PCDHGA11: variants seen among roughly 807,000 people sequenced by gnomAD.
PCDHGA11 encodes the protein protocadherin gamma-A11.
PCDHGA11 carries 39 observed loss-of-function variants against 60.4 expected under a neutral mutation model. That is an observed-to-expected ratio of 0.65 (90% CI 0.50 to 0.84). The LOEUF (loss-of-function observed/expected upper bound fraction) is 0.84, where lower values mean the gene tolerates loss of function less well. PCDHGA11 is among the 40% of genes least tolerant of loss of function. PCDHGA11 has a pLI of 0.00. For missense variants in PCDHGA11, 1,165 were observed against 1,197.7 expected, an observed-to-expected ratio of 0.97 and a Z score of 0.40; for synonymous variants, 533 against 510.3, an observed-to-expected ratio of 1.04 and a Z score of -0.60.
At position 141,487,235 on chromosome 5, in the gene PCDHGA11, C is replaced by A. The variant is rs752316565; in HGVS notation, c.2434-7572C>A. ...TTCAGCTCCAAGGGAAGGAGAATCT[C>A]GTCTAACCCTCTACTTGGCTGTGTC... On this transcript the variant is annotated intron_variant, in intron 1 of 3. Coordinates refer to ENST00000398587, the MANE Select transcript of PCDHGA11 (RefSeq NM_018914.3). This position sits in a 1 kb window ranked among gnomAD's most constrained non-coding sequence, Gnocchi z 5.0. 11 of 1,614,126 alleles carry A rather than the reference C, an allele frequency of 6.8e-6. No homozygotes were observed. The highest frequency in any genetic ancestry group is 7.6e-6 in the Non-Finnish European group (9 of 1,179,994).
chr5:141,482,645 G>A (rs1267966412), intron 1 of PCDHGA11, among the ~76,000 whole-genome samples: 1 of 152,120 alleles, frequency 6.6e-6, no homozygotes, highest in Admixed American at 6.5e-5. Context: ...TAGAGGTGGT[G>A]ATGCTTGAGC....
chr5:141,438,054 T>C (rs1451843979), intron 1 of PCDHGA11, among the ~76,000 whole-genome samples: 2 of 152,182 alleles, frequency 1.3e-5, no homozygotes, highest in African/African-American at 4.8e-5. Flanking sequence ...TTGAGTTCAC[T>C]TTTAAGAAAC....
chr5:141,509,442 T>C (rs1473514859), intron 3 of PCDHGA11, among the ~76,000 whole-genome samples: 3 of 152,008 alleles, frequency 2.0e-5, no homozygotes, highest in Non-Finnish European at 2.9e-5. Flanking sequence ...TGTTTCCTCC[T>C]CTCCCACCCC....
Position 141,487,691 on chromosome 5 carries a change from A to T in PCDHGA11, c.2434-7116A>T. On this transcript the variant is annotated intron_variant, in intron 1 of 3. Transcript: ENST00000398587. The surrounding 1 kb of genome is among the most constrained non-coding windows in gnomAD (Gnocchi z 5.0). ...CATATGGCTAGGCCATGTCCTAGAG[A>T]GTACTGGCCTCTCAGTAAGTGCCCA... 6.2e-7 allele frequency: 1 copy of T among 1,604,122 alleles called. No individual in the cohort carries two copies. The highest frequency in any genetic ancestry group is 8.5e-7 in the Non-Finnish European group (1 of 1,174,384).
intron 1 of PCDHGA11, among the ~76,000 whole-genome samples, chr5:141,482,857 A>T (rs2099573663): frequency 6.6e-6 from 1 of 152,140 alleles, no homozygotes; most frequent in Admixed American, 6.5e-5. Flanking sequence ...AGATCACTTG[A>T]GGTCAGGAGT....
At chr5:141,479,366 T>A (rs2099494042) in intron 1 of PCDHGA11, 1 of 152,302 alleles carries the variant, frequency 6.6e-6, no homozygotes, top group Non-Finnish European at 1.5e-5. Flanking sequence ...GTGCCTGAGG[T>A]GGGAGGATTG....
At position 141,423,369 on chromosome 5, in the gene PCDHGA11, A is replaced by C; in HGVS notation, c.2142A>C (p.Ala714=). ...TGGTCTTTGTCATCGTGCTGCTGGCACTCAGGCTGTGGCGCTGGCATAAGT... is the reference window on the plus strand; with the variant it reads ...TGGTCTTTGTCATCGTGCTGCTGGCCCTCAGGCTGTGGCGCTGGCATAAGT... ...IFLVFVIVLL[A]LRLWRWHKSR... is the part of the protein sequence containing the mutation. Residue 714 remains alanine, a synonymous_variant, in exon 1 of 4, where the codon GCA becomes GCC. Transcript: ENST00000398587. 1.9e-6 allele frequency: 3 copies of C among 1,614,104 alleles called. No homozygotes were observed. Among genetic ancestry groups the C allele is most frequent in the Non-Finnish European group, 2.5e-6 (3 of 1,180,004 alleles).
chr5:141,494,446 G>C (rs1046119515), intron 1 of PCDHGA11, among the ~76,000 whole-genome samples: 2 of 152,172 alleles, frequency 1.3e-5, no homozygotes, highest in African/African-American at 4.8e-5. Context: ...TGCCACTTTA[G>C]GGGGCTTTGT....
Position 141,485,563 on chromosome 5 carries a change from C to T in PCDHGA11, c.2434-9244C>T, listed in dbSNP as rs746689576. The T allele has an allele frequency of 1.2e-5, 19 of 1,612,904 alleles. No homozygotes were observed. In the South Asian group the frequency reaches 1.6e-4, roughly 14 times the overall value. ...AGATCGTAGATGTGAATGATCACGCCCCCCGTTTTCCGCGGCAGCAGCTGG... is the reference window on the plus strand; with the variant it reads ...AGATCGTAGATGTGAATGATCACGCTCCCCGTTTTCCGCGGCAGCAGCTGG... On this transcript the variant is annotated intron_variant, in intron 1 of 3. Coordinates refer to ENST00000398587, the MANE Select transcript of PCDHGA11 (RefSeq NM_018914.3). This position sits in a 1 kb window ranked among gnomAD's most constrained non-coding sequence, Gnocchi z 5.7.
intron 3 of PCDHGA11, among the ~76,000 whole-genome samples, chr5:141,508,789 A>C: frequency 1.4e-5 from 2 of 145,944 alleles, no homozygotes; most frequent in African/African-American, 2.6e-5. Context: ...CCCCTAAATC[A>C]CTCTGGAATC....
intron 1 of PCDHGA11, among the ~76,000 whole-genome samples, chr5:141,471,120 C>T (rs560582806): frequency 6.7e-6 from 1 of 149,470 alleles, no homozygotes; most frequent in South Asian, 2.1e-4. Context: ...GCGATCTTAC[C>T]TTCACTGCAA....
At chr5:141,433,266 T>C in intron 1 of PCDHGA11, 1 of 1,315,306 alleles carries the variant, frequency 7.6e-7, no homozygotes, top group Non-Finnish European at 1.1e-6. Flanking sequence ...CGATCATAGC[T>C]CACTGCAGCC....
intron 1 of PCDHGA11, among the ~76,000 whole-genome samples, chr5:141,455,594 G>A (rs1263100982): frequency 6.6e-6 from 1 of 152,112 alleles, no homozygotes; most frequent in Non-Finnish European, 1.5e-5. Context: ...ATATGCAAAC[G>A]TAGGGCGCCA....
At position 141,489,193 on chromosome 5, in the gene PCDHGA11, G is replaced by A; in HGVS notation, c.2434-5614G>A. The A allele has an allele frequency of 2.2e-6, 3 of 1,369,230 alleles. No individual in the cohort carries two copies. Among genetic ancestry groups the A allele is most frequent in the Non-Finnish European group, 3.0e-6 (3 of 1,000,290 alleles). 84.8% of individuals were successfully genotyped at this position (1,369,230 alleles called of 1,614,324 possible). On this transcript the variant is annotated intron_variant, in intron 1 of 3. Coordinates refer to ENST00000398587, the MANE Select transcript of PCDHGA11 (RefSeq NM_018914.3). The surrounding 1 kb of genome is among the most constrained non-coding windows in gnomAD (Gnocchi z 4.5). ...GCATTCCAAGCCCTGGGTCTACCTT[G>A]GAGACAGGACAGCACAGACTTACTC...
At position 141,421,783 on chromosome 5, in the gene PCDHGA11, A is replaced by G; in HGVS notation, c.556A>G (p.Arg186Gly). 1 of 1,613,882 alleles carries G rather than the reference A, an allele frequency of 6.2e-7. No individual in the cohort carries two copies. Among genetic ancestry groups the G allele is most frequent in the East Asian group, 2.2e-5 (1 of 44,884 alleles). Residue 186 changes from arginine to glycine, a missense_variant, in exon 1 of 4, where the codon AGA becomes GGA. Transcript: ENST00000398587. Reference sequence around the variant, plus strand: ...TTACTTTTCCTTGCAACTGCGGGGCAGAACGGATGGGGCCAAGAATCCAGA... The same window carrying G: ...TTACTTTTCCTTGCAACTGCGGGGCGGAACGGATGGGGCCAAGAATCCAGA... The part of the protein sequence containing the change: ...NNYFSLQLRG[R>G]TDGAKNPELV...
At chr5:141,430,815 T>A in intron 1 of PCDHGA11, 1 of 1,535,252 alleles carries the variant, frequency 6.5e-7, no homozygotes, top group Non-Finnish European at 8.7e-7. Flanking sequence ...CTGGGAATCC[T>A]CCTGGGGACT....
At position 141,423,652 on chromosome 5, in the gene PCDHGA11, A is replaced by G. The variant is rs746768292; in HGVS notation, c.2425A>G (p.Ser809Gly). The G allele has an allele frequency of 1.9e-6, 3 of 1,583,268 alleles. No individual in the cohort carries two copies. The highest frequency in any genetic ancestry group is 2.6e-6 in the Non-Finnish European group (3 of 1,166,840). ...AIILGKCDPT[S>G]NQQAPPNTDW... ...CATTTTAGGCAAATGTGACCCGACA[A>G]GTAATCAGGTGAGATTTATTTCTCT... The change falls in exon 1 of 4, where the codon AGT becomes GGT. Residue 809 changes from serine (S) to glycine (G), a missense_variant. Transcript: ENST00000398587.
intron 1 of PCDHGA11, among the ~76,000 whole-genome samples, chr5:141,463,573 C>T (rs1331124291): frequency 6.6e-6 from 1 of 151,436 alleles, no homozygotes; most frequent in East Asian, 1.9e-4. Flanking sequence ...CTCAGCCTCC[C>T]GAGTAGCTGG....
At position 141,431,525 on chromosome 5, in the gene PCDHGA11, G is replaced by A. The variant is rs1390184616; in HGVS notation, c.2433+7865G>A. The A allele has an allele frequency of 5.6e-6, 9 of 1,613,956 alleles. No individual in the cohort carries two copies. Among genetic ancestry groups the A allele is most frequent in the Non-Finnish European group, 7.6e-6 (9 of 1,180,044 alleles). ...CCGCGCGAGCGTTCCGGAGAATCTG[G>A]CCTTGGGCACGCAGCTGCTTGTAGT... On this transcript the variant is annotated intron_variant, in intron 1 of 3. Transcript: ENST00000398587. This position sits in a 1 kb window ranked among gnomAD's most constrained non-coding sequence, Gnocchi z 4.8.
Sources: allele counts gnomAD v4.1 joint callset (sites outside exome capture counted in the v4.1 genomes callset), GRCh38; gene constraint gnomAD v4.1.1; non-coding constraint Gnocchi (gnomAD v3.1); transcripts MANE v1.5; gene names NCBI Gene and HGNC (gene_info 2026-07-23, HGNC 2026-07-21).